DGKH: variants seen among roughly 807,000 people sequenced by gnomAD.
DGKH encodes the protein diacylglycerol kinase eta, also known as DAG kinase eta.
A neutral mutation model predicts 159.3 loss-of-function variants in DGKH; 90 were observed. The observed-to-expected ratio is 0.57, with a 90% CI of 0.48 to 0.67. DGKH has a LOEUF of 0.67. Ranked by LOEUF, DGKH falls within the 30% of genes least tolerant of loss-of-function variation. DGKH has a pLI of 0.00. For synonymous variants in DGKH, 536 were observed against 553.8 expected, an observed-to-expected ratio of 0.97 and a Z score of 0.45; for missense variants, 1,181 against 1,506.1, an observed-to-expected ratio of 0.78 and a Z score of 3.57.
At chr13:42,213,847 T>C (rs1309961509) in intron 24 of DGKH, among the ~76,000 whole-genome samples, 2 of 152,198 alleles carry the variant, frequency 1.3e-5, no homozygotes, top group Non-Finnish European at 2.9e-5. Flanking sequence ...TTGGCCTTAG[T>C]GCCTTCCAGA....
intron 1 of DGKH, among the ~76,000 whole-genome samples, chr13:42,123,014 A>T (rs1955105769): frequency 6.6e-6 from 1 of 152,222 alleles, no homozygotes; most frequent in Non-Finnish European, 1.5e-5. Flanking sequence ...TTATAAAAAG[A>T]TGTGACTAAC....
chr13:42,126,773 C>G (rs1955179023), intron 1 of DGKH, among the ~76,000 whole-genome samples: 1 of 152,158 alleles, frequency 6.6e-6, no homozygotes, highest in Non-Finnish European at 1.5e-5. Flanking sequence ...GTCATAAACT[C>G]CTTCAAGACC....
chr13:42,230,173 T>C lies in DGKH; in HGVS notation c.*985T>C, dbSNP rs903584942. ...ATTTCAATTTAATAATTATTTAATA[T>C]TCTATTTGAATTTATAATATAGTAA... On this transcript the variant is annotated 3_prime_UTR_variant, in exon 30 of 30. Coordinates refer to ENST00000337343, the MANE Select transcript of DGKH (RefSeq NM_178009.5). The C allele has an allele frequency of 7.5e-5, 11 of 147,008 alleles. No homozygotes were observed. Among genetic ancestry groups the C allele is most frequent in the African/African-American group, 2.4e-4 (10 of 40,950 alleles). The allele number at this position is 147,008 out of a possible 1,614,324, so 9.1% of individuals were successfully genotyped here. A position where few individuals can be genotyped will look rare whatever the true frequency, so the allele number is the denominator to read the frequency against.
At chr13:42,050,764 T>A (rs949739754) in intron 1 of DGKH, among the ~76,000 whole-genome samples, 1 of 152,066 alleles carries the variant, frequency 6.6e-6, no homozygotes, top group African/African-American at 2.4e-5. Context: ...ACAAGGTACC[T>A]GAGGATCACT....
chr13:42,108,407 A>G (rs1954801131), intron 1 of DGKH, among the ~76,000 whole-genome samples: 2 of 152,146 alleles, frequency 1.3e-5, no homozygotes, highest in Non-Finnish European at 2.9e-5. Context: ...CTAGCAGGTG[A>G]GGTCATAGGA....
At chr13:42,063,084 T>C (rs1882300167) in intron 1 of DGKH, among the ~76,000 whole-genome samples, 1 of 152,256 alleles carries the variant, frequency 6.6e-6, no homozygotes, top group Admixed American at 6.5e-5. Context: ...GTGTGTATTT[T>C]AGGATTATTG....
Position 42,155,358 on chromosome 13 carries a change from G to A in DGKH, c.452G>A (p.Ser151Asn), listed in dbSNP as rs748914823. The change falls in exon 4 of 30, where the codon AGC becomes AAC. Residue 151 changes from serine (S) to asparagine (N), a missense_variant. Ser to Asn is a conservative substitution (Grantham distance 46, BLOSUM62 1). Coordinates refer to ENST00000337343, the MANE Select transcript of DGKH (RefSeq NM_178009.5). Reference sequence around the variant, plus strand: ...AGAAAGGAGATGGAGGATTGGATCAGCTCACTGAAGTCTGTACAGACCAGA... The same window carrying A: ...AGAAAGGAGATGGAGGATTGGATCAACTCACTGAAGTCTGTACAGACCAGA... Reference protein sequence around the residue: ...ENRKEMEDWISSLKSVQTREP... With the variant: ...ENRKEMEDWINSLKSVQTREP... The A allele has an allele frequency of 1.2e-6, 2 of 1,612,780 alleles. No individual in the cohort carries two copies. The highest frequency in any genetic ancestry group is 4.5e-5 in the East Asian group (2 of 44,864).
chr13:42,080,424 A>T (rs979909700), intron 1 of DGKH, among the ~76,000 whole-genome samples: 1 of 152,158 alleles, frequency 6.6e-6, no homozygotes, highest in Admixed American at 6.5e-5. Context: ...CTTAATGAGT[A>T]TATTATGACT....
intron 1 of DGKH, among the ~76,000 whole-genome samples, chr13:42,053,898 G>A (rs1008305153): frequency 6.6e-6 from 1 of 152,110 alleles, no homozygotes; most frequent in Non-Finnish European, 1.5e-5. Flanking sequence ...GGGATTACAG[G>A]CGTGAGCCAC....
intron 3 of DGKH, among the ~76,000 whole-genome samples, chr13:42,142,686 G>C (rs1332741365): frequency 6.6e-6 from 1 of 151,912 alleles, no homozygotes; most frequent in Non-Finnish European, 1.5e-5. Context: ...CTCATGATTT[G>C]GCTCTCTGTT....
intron 3 of DGKH, among the ~76,000 whole-genome samples, 175 bp downstream of exon 3, chr13:42,129,807 A>T (rs1429330118): frequency 6.6e-6 from 1 of 152,116 alleles, no homozygotes; most frequent in Non-Finnish European, 1.5e-5. Context: ...ACCAGTTATG[A>T]CTCAGTTAAC....
intron 1 of DGKH, among the ~76,000 whole-genome samples, chr13:42,094,299 G>A (rs945183202): frequency 1.2e-4 from 19 of 152,154 alleles, no homozygotes; most frequent in Non-Finnish European, 2.2e-4. Context: ...TAGCATTTCT[G>A]ATCTAACAAT....
intron 21 of DGKH, among the ~76,000 whole-genome samples, chr13:42,207,349 C>T (rs1957532410): frequency 6.6e-6 from 1 of 151,212 alleles, no homozygotes; most frequent in Non-Finnish European, 1.5e-5. Context: ...ACCACCACAC[C>T]TGGCTAATTT....
intron 1 of DGKH, among the ~76,000 whole-genome samples, chr13:42,117,021 G>A (rs1954980519): frequency 6.6e-6 from 1 of 152,150 alleles, no homozygotes; most frequent in Non-Finnish European, 1.5e-5. Context: ...GATTTTCCAT[G>A]AGGGTCAGGT....
intron 28 of DGKH, among the ~76,000 whole-genome samples, chr13:42,220,486 C>G (rs960143010): frequency 2.0e-5 from 3 of 152,078 alleles, no homozygotes; most frequent in Admixed American, 2.0e-4. Context: ...CCTTTCATAA[C>G]CAAATAATTT....
Position 42,069,092 on chromosome 13 carries a change from A to G in DGKH, c.192+20127A>G, listed in dbSNP as rs1196510428. The G allele has an allele frequency of 2.8e-6, 4 of 1,407,286 alleles. No individual in the cohort carries two copies. The African/African-American group carries it at 4.2e-5, about 15-fold the overall frequency. The allele number at this position is 1,407,286 out of a possible 1,614,324, so 87.2% of individuals were successfully genotyped here. Reference sequence around the variant, plus strand: ...ATTGGGCTCGAGCTGCTTATTAAAGAGGAACTCCTCACTGTTGTTCAGAAA... The same window carrying G: ...ATTGGGCTCGAGCTGCTTATTAAAGGGGAACTCCTCACTGTTGTTCAGAAA... On this transcript the variant is annotated intron_variant, in intron 1 of 29. Transcript: ENST00000337343.
At chr13:42,099,876 G>C (rs1475190870) in intron 1 of DGKH, among the ~76,000 whole-genome samples, 1 of 152,184 alleles carries the variant, frequency 6.6e-6, no homozygotes, top group Non-Finnish European at 1.5e-5. Flanking sequence ...GGCTGCAGAG[G>C]TGCTTCTGGG....
At chr13:42,215,785 C>A in intron 26 of DGKH, 118 bp downstream of exon 26, 2 of 831,054 alleles carry the variant, frequency 2.4e-6, no homozygotes, top group Non-Finnish European at 3.7e-6. Flanking sequence ...TGGCTTCCAT[C>A]CTGAGAGCTG....
Position 42,229,539 on chromosome 13 carries a change from G to C in DGKH, c.*351G>C, listed in dbSNP as rs1958236620. On this transcript the variant is annotated 3_prime_UTR_variant, in exon 30 of 30. Transcript: ENST00000337343. ...TCTGGTCTGATGGAATGTTCCTACT[G>C]TGCAACTGCATAACAATATGTGGTT... is the stretch of plus-strand genomic sequence containing the variant. 1 of 180,170 alleles carries C rather than the reference G, an allele frequency of 5.6e-6. No homozygotes were observed. Among genetic ancestry groups the C allele is most frequent in the South Asian group, 1.3e-4 (1 of 7,512 alleles). 11.2% of individuals were successfully genotyped at this position (180,170 alleles called of 1,614,324 possible).
Sources: gnomAD v4.1 joint callset for allele counts (sites outside exome capture counted in the v4.1 genomes callset) on GRCh38, gnomAD v4.1.1 for gene constraint, MANE v1.5 for transcripts, NCBI Gene and HGNC (gene_info 2026-07-23, HGNC 2026-07-21) for gene names.